The following DENND4C variants were observed in gnomAD, a reference collection of about 807,000 sequenced individuals.
The protein encoded by DENND4C is DENN domain containing 4C.
Under a neutral mutation model 203.0 loss-of-function variants are expected in DENND4C, and 108 were observed. The ratio of observed to expected loss-of-function variants is 0.53; its 90% confidence interval spans 0.46 to 0.62. DENND4C has a LOEUF of 0.62. DENND4C is among the 20% of genes least tolerant of loss of function. DENND4C has a pLI of 0.00. For missense variants in DENND4C, 2,481 were observed against 2,301.2 expected (o/e 1.08, Z -1.60); for synonymous variants, 871 against 792.4 (o/e 1.10, Z -1.67).
chr9:19,300,598 T>C (rs1440516307), intron 9 of DENND4C, among the ~76,000 whole-genome samples: 1 of 152,206 alleles, frequency 6.6e-6, no homozygotes, highest in Non-Finnish European at 1.5e-5. Flanking sequence ...GTAAAAACTA[T>C]ATGATTATAT....
chr9:19,255,686 T>C (rs1375719440), intron 1 of DENND4C, among the ~76,000 whole-genome samples: 1 of 152,190 alleles, frequency 6.6e-6, no homozygotes, highest in Admixed American at 6.5e-5. Context: ...CAATTCTTAA[T>C]GTTTATGCCT....
chr9:19,269,727 A>G (rs1034083815), intron 1 of DENND4C, among the ~76,000 whole-genome samples: 1 of 152,154 alleles, frequency 6.6e-6, no homozygotes, highest in Non-Finnish European at 1.5e-5. Flanking sequence ...AAGGTCACAC[A>G]TGTCTGTCAT....
intron 10 of DENND4C, among the ~76,000 whole-genome samples, chr9:19,307,692 C>T (rs118002081): frequency 0.019 from 2,858 of 149,690 alleles, 49 homozygotes; most frequent in Non-Finnish European, 0.025. Flanking sequence ...ATTGCTTGAA[C>T]TGAGGAGGTG....
chr9:19,295,451 G>A (rs2131247441), intron 5 of DENND4C, among the ~76,000 whole-genome samples: 1 of 152,050 alleles, frequency 6.6e-6, no homozygotes, highest in South Asian at 2.1e-4. Context: ...CTTGCAGTGA[G>A]CCGAGATCGT....
At chr9:19,263,475 G>A (rs1017274588) in intron 1 of DENND4C, among the ~76,000 whole-genome samples, 2 of 151,774 alleles carry the variant, frequency 1.3e-5, no homozygotes, top group African/African-American at 4.8e-5. Flanking sequence ...TCCTGCCTCA[G>A]CCTCCCAAGG....
At position 19,303,870 on chromosome 9, in the gene DENND4C, T is replaced by G. The variant is rs116378525; in HGVS notation, c.1312-1482T>G. 4.0e-3 allele frequency among the ~76,000 whole-genome samples: 607 copies of G among 152,198 alleles called. 3 individuals carry two copies. The highest frequency in any genetic ancestry group is 0.014 in the African/African-American group (585 of 41,566). ...ATTATTAAATTTTTTTTTGTAAAATTTATTCATTTATTTAATTTTTTTGTG... is the reference window on the plus strand; with the variant it reads ...ATTATTAAATTTTTTTTTGTAAAATGTATTCATTTATTTAATTTTTTTGTG... On this transcript the variant is annotated intron_variant, in intron 9 of 32. Coordinates refer to ENST00000434457, the MANE Select transcript of DENND4C (RefSeq NM_001330640.2).
intron 23 of DENND4C, among the ~76,000 whole-genome samples, chr9:19,350,144 A>C (rs1332047093): frequency 6.6e-6 from 1 of 152,196 alleles, no homozygotes; most frequent in Non-Finnish European, 1.5e-5. Flanking sequence ...AGTGTTTGAA[A>C]CTTTATTCAT....
At chr9:19,234,162 T>C (rs1302319243) in intron 1 of DENND4C, among the ~76,000 whole-genome samples, 1 of 152,202 alleles carries the variant, frequency 6.6e-6, no homozygotes, top group Non-Finnish European at 1.5e-5. Context: ...ATTTACTGCC[T>C]CAGTTTATTT....
At chr9:19,302,807 C>T (rs1232201923) in intron 9 of DENND4C, among the ~76,000 whole-genome samples, 1 of 152,186 alleles carries the variant, frequency 6.6e-6, no homozygotes, top group African/African-American at 2.4e-5. Context: ...ACCTTAAGGC[C>T]TCTGCCCTAG....
chr9:19,353,660 T>C (rs1212978238), intron 26 of DENND4C, among the ~76,000 whole-genome samples: 2 of 150,472 alleles, frequency 1.3e-5, no homozygotes, highest in African/African-American at 4.9e-5. Context: ...AGGCTGGGCA[T>C]GATGGCTCAT....
At chr9:19,281,915 G>A (rs1282439342) in intron 2 of DENND4C, among the ~76,000 whole-genome samples, 1 of 152,124 alleles carries the variant, frequency 6.6e-6, no homozygotes, top group Non-Finnish European at 1.5e-5. Context: ...AGAAAAATCT[G>A]GCATAAAAAA....
In DENND4C at chr9:19,346,752, T is replaced by G; in HGVS notation, c.3983T>G (p.Leu1328Arg). The change falls in exon 23 of 33, where the codon CTA (leucine) becomes CGA (arginine). Residue 1328 changes from leucine to arginine, a missense_variant. This residue lies in a region of DENND4C where 2,289 missense variants were observed against 2,113.3 expected (regional missense o/e 1.08). Transcript: ENST00000434457. ...CATGCTCTAGAGAGGAGATCAAGCC[T>G]ACCTTTAGATCATGGTTCACCAGCA... ...FIHALERRSSLPLDHGSPAQE... is the reference protein window; with the variant it reads ...FIHALERRSSRPLDHGSPAQE... The G allele has an allele frequency of 6.2e-7, 1 of 1,614,200 alleles. No homozygotes were observed. The highest frequency in any genetic ancestry group is 8.5e-7 in the Non-Finnish European group (1 of 1,180,036).
intron 28 of DENND4C, among the ~76,000 whole-genome samples, chr9:19,359,116 CTTGA>C (rs1825952755): frequency 6.6e-6 from 1 of 151,708 alleles, no homozygotes; most frequent in Non-Finnish European, 1.5e-5. Context: ...AGGTTAAATG[CTTGA>C]TTTTTTCCTT....
intron 29 of DENND4C, among the ~76,000 whole-genome samples, chr9:19,361,466 T>G (rs1160629583): frequency 1.3e-5 from 2 of 152,142 alleles, no homozygotes; most frequent in Non-Finnish European, 2.9e-5. Flanking sequence ...AACATATACA[T>G]GGGGCAAAAT....
At position 19,336,287 on chromosome 9, in the gene DENND4C, G is replaced by A. The variant is rs370907288; in HGVS notation, c.2607G>A (p.Pro869=). 147 of 1,613,154 alleles carry A rather than the reference G, an allele frequency of 9.1e-5. No homozygotes were observed. The highest frequency in any genetic ancestry group is 1.2e-4 in the Non-Finnish European group (139 of 1,179,704). Residue 869 remains proline (P), a synonymous_variant, in exon 19 of 33, where the codon CCG becomes CCA. Coordinates refer to ENST00000434457, the MANE Select transcript of DENND4C (RefSeq NM_001330640.2). ...ACCTTTAGGTAGTCTTGGAGAGCCCGTGGCCTAGCAGTACCCGCAGTGGTA... is the reference window on the plus strand; with the variant it reads ...ACCTTTAGGTAGTCTTGGAGAGCCCATGGCCTAGCAGTACCCGCAGTGGTA... ...GYYNKVVLES[P]WPSSTRSGIF... is the part of the protein sequence containing the mutation.
At chr9:19,320,063 C>T (rs1422809783) in intron 12 of DENND4C, among the ~76,000 whole-genome samples, 3 of 151,860 alleles carry the variant, frequency 2.0e-5, no homozygotes, top group Non-Finnish European at 4.4e-5. Context: ...AGAAATATAA[C>T]GTAAGCCACA....
intron 10 of DENND4C, 48 bp downstream of exon 10, chr9:19,305,575 G>A: frequency 2.0e-6 from 3 of 1,533,964 alleles, no homozygotes; most frequent in Non-Finnish European, 2.7e-6. Context: ...TTTTCACTAT[G>A]TAGAGTTACA....
intron 2 of DENND4C, among the ~76,000 whole-genome samples, chr9:19,281,513 A>C (rs969101552): frequency 6.6e-6 from 1 of 152,224 alleles, no homozygotes; most frequent in African/African-American, 2.4e-5. Flanking sequence ...GTTTAATATG[A>C]AACACTGTTG....
Position 19,341,134 on chromosome 9 carries a change from G to A in DENND4C, c.3004+20G>A, listed in dbSNP as rs770762081. On this transcript the variant is annotated intron_variant, in intron 21 of 32. Transcript: ENST00000434457. ...CAGAAGGTTAAGTACTGATATTTAC[G>A]AACTTTACTTAGAATAATACCTGTA... 61 of 1,580,454 alleles carry A rather than the reference G, an allele frequency of 3.9e-5. 1 individual carries two copies. The South Asian group carries it at 5.8e-4, about 15-fold the overall frequency.
Sources: allele counts gnomAD v4.1 joint callset (sites outside exome capture counted in the v4.1 genomes callset), GRCh38; gene constraint gnomAD v4.1.1; regional missense constraint gnomAD v4.1.1; transcripts MANE v1.5; gene names NCBI Gene and HGNC (gene_info 2026-07-23, HGNC 2026-07-21).